Variants in LRRN1 observed in about 807,000 individuals in gnomAD.
LRRN1 encodes leucine-rich repeat neuronal protein 1.
A neutral mutation model predicts 45.8 loss-of-function variants in LRRN1; 14 were observed. That is an observed-to-expected ratio of 0.31 (90% CI 0.20 to 0.48). The LOEUF (loss-of-function observed/expected upper bound fraction) is 0.48, where lower values mean the gene tolerates loss of function less well. LRRN1 is among the 20% of genes least tolerant of loss of function. LRRN1 has a pLI of 0.99. For synonymous variants in LRRN1, 359 were observed against 330.1 expected (o/e 1.09, Z -0.95); for missense variants, 789 against 874.2 (o/e 0.90, Z 1.23).
intron 1 of LRRN1, among the ~76,000 whole-genome samples, chr3:3,801,483 A>C (rs184253146): frequency 6.6e-6 from 1 of 152,298 alleles, no homozygotes; most frequent in Admixed American, 6.5e-5. Flanking sequence ...GATCAGTATA[A>C]ATCTAGAGTA....
At chr3:3,803,542 G>A (rs1692698180) in intron 1 of LRRN1, among the ~76,000 whole-genome samples, 1 of 152,060 alleles carries the variant, frequency 6.6e-6, no homozygotes, top group Non-Finnish European at 1.5e-5. Context: ...CATCTGTTTT[G>A]GGTTAAGCCA....
chr3:3,838,646 A>C (rs1575299639), intron 1 of LRRN1, among the ~76,000 whole-genome samples: 1 of 152,182 alleles, frequency 6.6e-6, no homozygotes, highest in Non-Finnish European at 1.5e-5. Flanking sequence ...TCTCTACAAC[A>C]GTGAACAAGG....
chr3:3,807,095 C>CG (rs545785100), intron 1 of LRRN1, among the ~76,000 whole-genome samples: 109 of 152,288 alleles, frequency 7.2e-4, no homozygotes, highest in African/African-American at 2.5e-3. Flanking sequence ...CAAGGACCTA[C>CG]GATGCATCGG....
chr3:3,800,767 G>C (rs1225499100), intron 1 of LRRN1: 1 of 152,846 alleles, frequency 6.5e-6, no homozygotes, highest in East Asian at 1.9e-4. Context: ...AGCCCAGAAG[G>C]AGTGGCAGCC....
chr3:3,838,361 T>C (rs1693571543), intron 1 of LRRN1, among the ~76,000 whole-genome samples: 1 of 152,144 alleles, frequency 6.6e-6, no homozygotes. Flanking sequence ...CAAAAGCAAT[T>C]GCAGCAAAAG....
intron 1 of LRRN1, among the ~76,000 whole-genome samples, chr3:3,841,290 C>CAAA (rs60477471): frequency 0.38 from 46,617 of 122,504 alleles, 9,089 homozygotes; most frequent in East Asian, 0.6. Flanking sequence ...GACTTTGTCT[C>CAAA]AAAAAAAAAA....
chr3:3,805,203 A>C (rs1226055603), intron 1 of LRRN1, among the ~76,000 whole-genome samples: 2 of 152,238 alleles, frequency 1.3e-5, no homozygotes, highest in Non-Finnish European at 2.9e-5. Flanking sequence ...ACTATTAAGC[A>C]GTGAGCCACA....
At chr3:3,836,833 A>G (rs1239020619) in intron 1 of LRRN1, among the ~76,000 whole-genome samples, 3 of 152,156 alleles carry the variant, frequency 2.0e-5, no homozygotes, top group Non-Finnish European at 4.4e-5. Flanking sequence ...CTGGTACCAC[A>G]TAAGAAGGTT....
At chr3:3,812,584 G>C (rs1258945812) in intron 1 of LRRN1, among the ~76,000 whole-genome samples, 1 of 152,200 alleles carries the variant, frequency 6.6e-6, no homozygotes, top group African/African-American at 2.4e-5. Flanking sequence ...AGCGAAGGAA[G>C]AGACTGCATC....
chr3:3,821,248 T>C (rs745388200), intron 1 of LRRN1, among the ~76,000 whole-genome samples: 4 of 152,160 alleles, frequency 2.6e-5, no homozygotes, highest in Non-Finnish European at 5.9e-5. Context: ...TCAATTGAAA[T>C]AAAATGTGAA....
intron 1 of LRRN1, among the ~76,000 whole-genome samples, chr3:3,818,978 A>T (rs9833660): frequency 0.17 from 25,866 of 152,032 alleles, 2,546 homozygotes; most frequent in East Asian, 0.29. Context: ...GTTAATACAC[A>T]TATTAATTAA....
At chr3:3,821,507 G>A (rs1252005958) in intron 1 of LRRN1, among the ~76,000 whole-genome samples, 1 of 151,864 alleles carries the variant, frequency 6.6e-6, no homozygotes, top group African/African-American at 2.4e-5. Flanking sequence ...CTCCCCTTAA[G>A]ATTAGAAGCT....
Position 3,849,282 on chromosome 3 carries a change from A to T in LRRN1, c.*2490A>T, listed in dbSNP as rs1693842439. On this transcript the variant is annotated 3_prime_UTR_variant, in exon 2 of 2. Coordinates refer to ENST00000319331, the MANE Select transcript of LRRN1 (RefSeq NM_020873.7). ...AGATATAGCAAGCACCGGGAAATCTAAGATTTTTCATCAACAATATCTTCT... is the reference window on the plus strand; with the variant it reads ...AGATATAGCAAGCACCGGGAAATCTTAGATTTTTCATCAACAATATCTTCT... Among the ~76,000 whole-genome samples the T allele has an allele frequency of 6.6e-6, 1 of 152,190 alleles. No individual in the cohort carries two copies. The highest frequency in any genetic ancestry group is 1.5e-5 in the Non-Finnish European group (1 of 68,036).
In LRRN1 at chr3:3,845,823, C is replaced by T. The variant is rs200599277; in HGVS notation, c.1182C>T (p.Pro394=). 8.5e-5 allele frequency: 138 copies of T among 1,614,092 alleles called. 3 individuals carry two copies. The highest frequency in any genetic ancestry group is 8.3e-4 in the Middle Eastern group (5 of 6,060). Residue 394 remains proline, a synonymous_variant, in exon 2 of 2, where the codon CCC becomes CCT. Coordinates refer to ENST00000319331, the MANE Select transcript of LRRN1 (RefSeq NM_020873.7). This position sits in a 1 kb window ranked among gnomAD's most constrained non-coding sequence, Gnocchi z 6.5. ...SNKTNIRFME[P]LSMFCAMPPE... Reference sequence around the variant, plus strand: ...AAACCAACATCCGCTTCATGGAGCCCCTGTCCATGTTCTGTGCCATGCCGC... The same window carrying T: ...AAACCAACATCCGCTTCATGGAGCCTCTGTCCATGTTCTGTGCCATGCCGC...
rs572662237 is a variant in LRRN1, at chr3:3,848,796, G to A, written c.*2004G>A. On this transcript the variant is annotated 3_prime_UTR_variant, in exon 2 of 2. Coordinates refer to ENST00000319331, the MANE Select transcript of LRRN1 (RefSeq NM_020873.7). ...GCACTCCATTGATTGTTCTAGGCCCGGCAGCCTGTTAGGTTCCTGTGCAGG... is the reference window on the plus strand; with the variant it reads ...GCACTCCATTGATTGTTCTAGGCCCAGCAGCCTGTTAGGTTCCTGTGCAGG... 6.6e-6 allele frequency among the ~76,000 whole-genome samples: 1 copy of A among 152,240 alleles called. No homozygotes were observed. Among genetic ancestry groups the A allele is most frequent in the East Asian group, 1.9e-4 (1 of 5,178 alleles).
At chr3:3,840,526 G>A (rs1325093794) in intron 1 of LRRN1, among the ~76,000 whole-genome samples, 1 of 152,174 alleles carries the variant, frequency 6.6e-6, no homozygotes, top group Non-Finnish European at 1.5e-5. Context: ...TATGTATAAT[G>A]TCACATTAAA....
chr3:3,808,942 T>A (rs1048400505), intron 1 of LRRN1, among the ~76,000 whole-genome samples: 1 of 152,206 alleles, frequency 6.6e-6, no homozygotes, highest in East Asian at 1.9e-4. Context: ...TGAGAATGCA[T>A]AGTTACAGAT....
intron 1 of LRRN1, among the ~76,000 whole-genome samples, chr3:3,838,114 G>C (rs1228559649): frequency 6.6e-6 from 1 of 152,086 alleles, no homozygotes; most frequent in South Asian, 2.1e-4. Context: ...ACAACCATCT[G>C]ATCTTTGACA....
intron 1 of LRRN1, among the ~76,000 whole-genome samples, chr3:3,829,417 G>C (rs960479535): frequency 6.6e-6 from 1 of 152,152 alleles, no homozygotes; most frequent in African/African-American, 2.4e-5. Flanking sequence ...AATTTTGCTA[G>C]TGGATCACTA....
Sources: gnomAD v4.1 joint callset for allele counts (sites outside exome capture counted in the v4.1 genomes callset) on GRCh38, gnomAD v4.1.1 for gene constraint, Gnocchi (gnomAD v3.1) non-coding constraint, MANE v1.5 for transcripts, NCBI Gene and HGNC (gene_info 2026-07-23, HGNC 2026-07-21) for gene names.